Variants in FHOD3 observed in about 807,000 individuals in gnomAD.
FHOD3 encodes the protein formin homology 2 domain containing 3.
In FHOD3, 90 loss-of-function variants were observed where a neutral mutation model predicts 173.0. The ratio of observed to expected loss-of-function variants is 0.52; its 90% CI spans 0.44 to 0.62. The LOEUF (loss-of-function observed/expected upper bound fraction) is 0.62, where lower values mean the gene tolerates loss of function less well. Ranked by LOEUF, FHOD3 falls within the 20% of genes least tolerant of loss-of-function variation. FHOD3 has a pLI of 0.00. For synonymous variants in FHOD3, 828 were observed against 823.0 expected (o/e 1.01, Z -0.10); for missense variants, 1,945 against 2,034.7 (o/e 0.96, Z 0.85).
intron 17 of FHOD3, among the ~76,000 whole-genome samples, chr18:36,701,015 G>A (rs2039556540): frequency 6.6e-6 from 1 of 152,250 alleles, no homozygotes; most frequent in Admixed American, 6.5e-5. Context: ...CATGTGATAA[G>A]TTGCTCCTCC....
chr18:36,543,331 T>C (rs369325851), intron 5 of FHOD3, among the ~76,000 whole-genome samples: 51 of 152,308 alleles, frequency 3.3e-4, no homozygotes, highest in African/African-American at 1.2e-3. Context: ...ATACATTTCC[T>C]ATGGGTTCTA....
chr18:36,752,133 C>T (rs1424102109), intron 24 of FHOD3, among the ~76,000 whole-genome samples: 1 of 152,158 alleles, frequency 6.6e-6, no homozygotes, highest in East Asian at 1.9e-4. Context: ...TGAGATCTTA[C>T]TCTCACAAGA....
chr18:36,748,899 C>T (rs1447567593), intron 24 of FHOD3, among the ~76,000 whole-genome samples: 2 of 151,922 alleles, frequency 1.3e-5, no homozygotes, highest in Non-Finnish European at 1.5e-5. Context: ...TTTCCTTCCC[C>T]CTCCCACCAA....
intron 17 of FHOD3, among the ~76,000 whole-genome samples, chr18:36,702,358 G>C (rs1400450984): frequency 1.3e-5 from 2 of 152,212 alleles, no homozygotes; most frequent in African/African-American, 4.8e-5. Context: ...GCTCTAGAGT[G>C]AATCCAAGTG....
At chr18:36,752,069 C>T (rs2042424995) in intron 24 of FHOD3, among the ~76,000 whole-genome samples, 1 of 152,136 alleles carries the variant, frequency 6.6e-6, no homozygotes, top group South Asian at 2.1e-4. Context: ...ATAACGGCAG[C>T]AAGGAGAAGT....
At chr18:36,746,413 C>T (rs946236258) in intron 23 of FHOD3, among the ~76,000 whole-genome samples, 5 of 152,176 alleles carry the variant, frequency 3.3e-5, no homozygotes, top group African/African-American at 1.2e-4. Context: ...CTAGTTTCTC[C>T]ATGAGTGTTG....
At chr18:36,477,109 G>C (rs1022913485) in intron 3 of FHOD3, among the ~76,000 whole-genome samples, 1 of 152,094 alleles carries the variant, frequency 6.6e-6, no homozygotes, top group Admixed American at 6.6e-5. Context: ...TGTCCAGTTT[G>C]GAGAGATAAG....
rs1367975532 is a variant in FHOD3 at position 36,323,769 on chromosome 18, G to T, written c.165+25769G>T. On this transcript the variant is annotated intron_variant, in intron 1 of 28. Coordinates refer to ENST00000590592, the MANE Select transcript of FHOD3 (RefSeq NM_001281740.3). ...CTACCTGTTTCTCAAGACCATCCTC[G>T]ACTACTTCAGTTTGATGCCCATAGG... 1.1e-4 allele frequency among the ~76,000 whole-genome samples: 17 copies of T among 152,238 alleles called. No individual in the cohort carries two copies. The East Asian group carries it at 3.3e-3, about 29-fold the overall frequency.
chr18:36,693,287 C>G lies in FHOD3; in HGVS notation c.2100C>G (p.Ala700=). 1 of 1,613,780 alleles carries G rather than the reference C, an allele frequency of 6.2e-7. No individual in the cohort carries two copies. Among genetic ancestry groups the G allele is most frequent in the Non-Finnish European group, 8.5e-7 (1 of 1,179,830 alleles). Residue 700 remains alanine (A), a synonymous_variant, in exon 17 of 29, where the codon GCC becomes GCG. Coordinates refer to ENST00000590592, the MANE Select transcript of FHOD3 (RefSeq NM_001281740.3). ...LRSRSVSRGR[A]DLSLDLTSPA... is the part of the protein sequence containing the mutation. ...GCCGGAGTGTGAGCCGGGGCAGAGC[C>G]GACCTCTCCTTGGACCTGACCTCGC...
intron 3 of FHOD3, among the ~76,000 whole-genome samples, chr18:36,494,709 C>T (rs1568346511): frequency 6.6e-6 from 1 of 152,190 alleles, no homozygotes; most frequent in Non-Finnish European, 1.5e-5. Context: ...CTGCTGGCCA[C>T]CCCTTGGGGC....
At chr18:36,392,169 A>T (rs549604302) in intron 3 of FHOD3, among the ~76,000 whole-genome samples, 3 of 152,298 alleles carry the variant, frequency 2.0e-5, no homozygotes, top group African/African-American at 7.2e-5. Context: ...TACCTGTAAA[A>T]TGAGACAGTC....
intron 3 of FHOD3, among the ~76,000 whole-genome samples, chr18:36,429,852 G>A (rs1451323557): frequency 1.3e-5 from 2 of 152,076 alleles, no homozygotes; most frequent in Non-Finnish European, 2.9e-5. Flanking sequence ...GCAAGAAAAA[G>A]TGAGAAGCAG....
At chr18:36,602,572 G>T in intron 7 of FHOD3, 102 bp from the exon 8 acceptor site, 1 of 862,176 alleles carries the variant, frequency 1.2e-6, no homozygotes, top group Non-Finnish European at 2.0e-6. Flanking sequence ...ACTGAAAGAC[G>T]CTGCCATCAC....
intron 3 of FHOD3, among the ~76,000 whole-genome samples, chr18:36,443,694 T>G (rs1386589301): frequency 6.6e-6 from 1 of 152,184 alleles, no homozygotes; most frequent in Non-Finnish European, 1.5e-5. Flanking sequence ...GTGTTGCTGG[T>G]TTTATACCTC....
chr18:36,678,992 A>T (rs1196375929), intron 14 of FHOD3, among the ~76,000 whole-genome samples: 1 of 152,032 alleles, frequency 6.6e-6, no homozygotes, highest in Non-Finnish European at 1.5e-5. Context: ...CATATGTCTA[A>T]CTTGAACTCT....
intron 5 of FHOD3, among the ~76,000 whole-genome samples, chr18:36,548,147 G>A (rs979826446): frequency 1.3e-5 from 2 of 152,228 alleles, no homozygotes; most frequent in South Asian, 2.1e-4. Flanking sequence ...AGCCGAGATC[G>A]TGCCACTGCA....
chr18:36,722,244 G>C (rs896145392), intron 19 of FHOD3, among the ~76,000 whole-genome samples: 4 of 152,178 alleles, frequency 2.6e-5, no homozygotes, highest in Non-Finnish European at 4.4e-5. Context: ...TAAGAAAGAT[G>C]TCAGGGCAGA....
At chr18:36,511,848 C>G (rs573260409) in intron 4 of FHOD3, among the ~76,000 whole-genome samples, 2 of 152,198 alleles carry the variant, frequency 1.3e-5, no homozygotes, top group Admixed American at 6.5e-5. Flanking sequence ...GCGGTCCTTT[C>G]GAGGGATTGC....
intron 3 of FHOD3, among the ~76,000 whole-genome samples, chr18:36,402,266 A>G (rs1223902276): frequency 6.6e-6 from 1 of 152,126 alleles, no homozygotes; most frequent in East Asian, 1.9e-4. Flanking sequence ...ATGGCAGCAA[A>G]GAGGCCTTCT....
Sources: gnomAD v4.1 joint callset for allele counts (sites outside exome capture counted in the v4.1 genomes callset) on GRCh38, gnomAD v4.1.1 for gene constraint, MANE v1.5 for transcripts, NCBI Gene and HGNC (gene_info 2026-07-23, HGNC 2026-07-21) for gene names.